SLC30A4: variants seen among roughly 807,000 people sequenced by gnomAD.
SLC30A4 encodes probable proton-coupled zinc antiporter SLC30A4.
Under a neutral mutation model 41.7 loss-of-function variants are expected in SLC30A4, and 20 were observed. The ratio of observed to expected loss-of-function variants is 0.48; its 90% CI spans 0.34 to 0.70. The LOEUF (loss-of-function observed/expected upper bound fraction) is 0.70. SLC30A4 is among the 30% of genes least tolerant of loss of function. The pLI is 0.01. For synonymous variants in SLC30A4, 181 were observed against 195.9 expected, an observed-to-expected ratio of 0.92 and a Z score of 0.64; for missense variants, 441 against 529.3, an observed-to-expected ratio of 0.83 and a Z score of 1.64.
chr15:45,512,888 G>A (rs1892341589), intron 2 of SLC30A4, among the ~76,000 whole-genome samples: 1 of 152,128 alleles, frequency 6.6e-6, no homozygotes, highest in Non-Finnish European at 1.5e-5. Context: ...AGCTGTTTGG[G>A]AGGCCGAGGT....
intron 2 of SLC30A4, among the ~76,000 whole-genome samples, chr15:45,514,393 T>C (rs1017784483): frequency 2.0e-5 from 3 of 151,446 alleles, no homozygotes; most frequent in South Asian, 2.1e-4. Flanking sequence ...TAGAAATGTG[T>C]ATCCTCCAGC....
At position 45,522,263 on chromosome 15, in the gene SLC30A4, A is replaced by C; in HGVS notation, c.92T>G (p.Phe31Cys). The C allele has an allele frequency of 6.2e-7, 1 of 1,614,092 alleles. No homozygotes were observed. The highest frequency in any genetic ancestry group is 1.1e-5 in the South Asian group (1 of 91,076). ...LFLNDTSAFD[F>C]SDEAGDEGLS... ...CCCCTCGTCCCCCGCCTCATCCGAG[A>C]AGTCAAAGGCGCTGGTGTCATTTAA... The change falls in exon 2 of 8, where the codon TTC becomes TGC. Residue 31 changes from phenylalanine to cysteine, a missense_variant. Coordinates refer to ENST00000261867, the MANE Select transcript of SLC30A4 (RefSeq NM_013309.6).
At chr15:45,508,837 T>C (rs950027) in intron 3 of SLC30A4, among the ~76,000 whole-genome samples, 97,045 of 152,092 alleles carry the variant, frequency 0.64, 33,698 homozygotes, top group East Asian at 0.93. Context: ...TATTTATTTA[T>C]GAAGAAGCAA....
At position 45,486,627 on chromosome 15, in the gene SLC30A4, T is replaced by C; in HGVS notation, c.1119A>G (p.Ile373Met). Residue 373 changes from isoleucine to methionine, a missense_variant, in exon 7 of 8, where the codon ATA becomes ATG. Ile to Met is a conservative substitution (Grantham distance 10). Transcript: ENST00000261867. The part of the protein sequence containing the change: ...WSLTSGKSTA[I>M]VHIQLIPGSS... ...GCAACATACTTAGCTGTATGTGAAC[T>C]ATGGCAGTAGATTTTCCTGAAGTGA... is the stretch of plus-strand genomic sequence containing the variant. 1 of 1,605,272 alleles carries C rather than the reference T, an allele frequency of 6.2e-7. No homozygotes were observed. The highest frequency in any genetic ancestry group is 1.1e-5 in the South Asian group (1 of 89,046).
chr15:45,480,639 CA>C lies in SLC30A4; in HGVS notation c.*4523del, dbSNP rs1327211161. 3.3e-5 allele frequency: 5 copies of C among 152,248 alleles called. No individual in the cohort carries two copies. The East Asian group carries it at 9.6e-4, about 29-fold the overall frequency. 9.4% of individuals were successfully genotyped at this position (152,248 alleles called of 1,614,324 possible). A position where few individuals can be genotyped will look rare whatever the true frequency, so the allele number is the denominator to read the frequency against. ...TCTGTAACTTTAAATTTGCTATATA[CA>C]AATCAGAGCCAACAGCAAAATTGCC... On this transcript the variant is annotated 3_prime_UTR_variant, in exon 8 of 8. Transcript: ENST00000261867.
intron 2 of SLC30A4, 155 bp downstream of exon 2, chr15:45,521,809 C>G (rs748875743): frequency 9.0e-5 from 63 of 702,968 alleles, no homozygotes; most frequent in Non-Finnish European, 1.4e-4. Context: ...TTGAGCTGCA[C>G]TTTGGAACCG....
Position 45,511,212 on chromosome 15 carries a change from A to C in SLC30A4, c.464T>G (p.Ile155Arg). 6.2e-7 allele frequency: 1 copy of C among 1,613,676 alleles called. No individual in the cohort carries two copies. Among genetic ancestry groups the C allele is most frequent in the Non-Finnish European group, 8.5e-7 (1 of 1,179,618 alleles). Residue 155 changes from isoleucine (I) to arginine (R), a missense_variant, in exon 3 of 8, where the codon ATA becomes AGA. Around this residue, in one of 3 missense-constraint regions of SLC30A4, gnomAD observed 312 missense variants for 341.9 expected, o/e 0.91. Transcript: ENST00000261867. ...LHMLTDLSAI[I>R]LTLLALWLSS... is the part of the protein sequence containing the mutation. Reference sequence around the variant, plus strand: ...TAGCCACAAAGCAAGCAGGGTGAGTATGATGGCGCTTAGGTCAGTTAACAT... The same window carrying C: ...TAGCCACAAAGCAAGCAGGGTGAGTCTGATGGCGCTTAGGTCAGTTAACAT...
At chr15:45,501,415 CAA>C (rs1892031568) in intron 3 of SLC30A4, among the ~76,000 whole-genome samples, 1 of 152,200 alleles carries the variant, frequency 6.6e-6, no homozygotes, top group Admixed American at 6.5e-5. Context: ...ACTCCCAAAA[CAA>C]ATGATTTAAG....
chr15:45,485,988 G>A (rs923097811), intron 7 of SLC30A4, among the ~76,000 whole-genome samples: 1 of 151,836 alleles, frequency 6.6e-6, no homozygotes, highest in African/African-American at 2.4e-5. Context: ...CAAAGTGTTG[G>A]GATTACAGGC....
intron 4 of SLC30A4, among the ~76,000 whole-genome samples, chr15:45,490,346 C>G (rs1305810353): frequency 6.6e-6 from 1 of 152,158 alleles, no homozygotes; most frequent in Non-Finnish European, 1.5e-5. Context: ...ACCTTGGCCT[C>G]CCAAATTGTT....
At chr15:45,495,229 TTGGTTATGAAAATTTAAAATTCATAA>T (rs1360024203) in intron 3 of SLC30A4, among the ~76,000 whole-genome samples, 1 of 152,216 alleles carries the variant, frequency 6.6e-6, no homozygotes, top group Non-Finnish European at 1.5e-5. Context: ...AGAGATGTGC[TTGGTTATGAAAATTTAAAATTCATAA>T]TTAAAAATTA....
At chr15:45,512,884 T>C (rs1892341305) in intron 2 of SLC30A4, among the ~76,000 whole-genome samples, 1 of 152,076 alleles carries the variant, frequency 6.6e-6, no homozygotes, top group Non-Finnish European at 1.5e-5. Context: ...TACCAGCTGT[T>C]TGGGAGGCCG....
At position 45,486,692 on chromosome 15, in the gene SLC30A4, C is replaced by A. The variant is rs1454084318; in HGVS notation, c.1054G>T (p.Glu352Ter). 1.3e-6 allele frequency: 2 copies of A among 1,595,138 alleles called. No homozygotes were observed. The highest frequency in any genetic ancestry group is 1.7e-5 in the Admixed American group (1 of 57,894). ...AAATCTTCGACTGAATATACATCTT[C>A]TATTTTCATCAAGGCTTCTTTGATA... is the stretch of plus-strand genomic sequence containing the variant. ...DYIKEALMKI[E>*]DVYSVEDLNI... The change falls in exon 7 of 8, where the codon GAA becomes TAA. Residue 352 changes from glutamate (E) to a stop codon, truncating the protein, a stop_gained. Transcript: ENST00000261867. LOFTEE classifies it high-confidence loss of function.
At chr15:45,501,881 G>A (rs1235442005) in intron 3 of SLC30A4, among the ~76,000 whole-genome samples, 1 of 151,994 alleles carries the variant, frequency 6.6e-6, no homozygotes, top group East Asian at 1.9e-4. Flanking sequence ...AGGAGACAGA[G>A]TTTCATAAAA....
intron 7 of SLC30A4, among the ~76,000 whole-genome samples, chr15:45,485,711 ATTCT>A (rs1389712749): frequency 2.6e-5 from 4 of 151,208 alleles, no homozygotes; most frequent in African/African-American, 4.9e-5. Context: ...CATGGGAAAT[ATTCT>A]TTCTTTTTTT....
chr15:45,520,411 A>G (rs1892630281), intron 2 of SLC30A4, among the ~76,000 whole-genome samples: 1 of 151,960 alleles, frequency 6.6e-6, no homozygotes, highest in African/African-American at 2.4e-5. Flanking sequence ...CTGGGATTAC[A>G]GGCGCCCACC....
chr15:45,509,506 G>A (rs568992223), intron 3 of SLC30A4, among the ~76,000 whole-genome samples: 2 of 152,116 alleles, frequency 1.3e-5, no homozygotes, highest in African/African-American at 2.4e-5. Context: ...CGCCCACCTC[G>A]GCCTCCCAAA....
intron 7 of SLC30A4, among the ~76,000 whole-genome samples, chr15:45,486,390 A>G (rs1891706968): frequency 6.6e-6 from 1 of 152,176 alleles, no homozygotes; most frequent in South Asian, 2.1e-4. Flanking sequence ...GAGATAGAAA[A>G]TTATTGTTCT....
intron 4 of SLC30A4, 58 bp downstream of exon 4, chr15:45,490,670 C>T: frequency 3.6e-6 from 4 of 1,120,390 alleles, no homozygotes; most frequent in Non-Finnish European, 5.1e-6. Flanking sequence ...AATGCATATG[C>T]AATAGTCTCT....
Sources: gnomAD v4.1 joint callset for allele counts (sites outside exome capture counted in the v4.1 genomes callset) on GRCh38, gnomAD v4.1.1 for gene constraint, gnomAD v4.1.1 regional missense constraint, MANE v1.5 for transcripts, NCBI Gene and HGNC (gene_info 2026-07-23, HGNC 2026-07-21) for gene names.